HCN4: variants seen among roughly 807,000 people sequenced by gnomAD.
The protein encoded by HCN4 is potassium/sodium hyperpolarization-activated cyclic nucleotide-gated channel 4.
Under a neutral mutation model 76.9 loss-of-function variants are expected in HCN4, and 29 were observed. That is an observed-to-expected ratio of 0.38 (90% confidence interval 0.28 to 0.51). The LOEUF is 0.51. Among genes scored for constraint, HCN4 ranks in the 20% least tolerant of loss-of-function variants. The pLI is 0.90. For missense variants in HCN4, 1,416 were observed against 1,715.2 expected (o/e 0.83, Z 3.08); for synonymous variants, 772 against 762.5 (o/e 1.01, Z -0.21).
rs531934475 is a variant in HCN4 at position 73,348,389 on chromosome 15, C to T, written c.786-4581G>A. On this transcript the variant is annotated intron_variant, in intron 1 of 7. Transcript: ENST00000261917. ...ATGCACATGTGCACATGCACAGACA[C>T]GAACATGCGTGCACACACGCACACA... is the stretch of plus-strand genomic sequence containing the variant. 3.3e-5 allele frequency among the ~76,000 whole-genome samples: 5 copies of T among 152,374 alleles called. No homozygotes were observed. The East Asian group carries it at 7.7e-4, about 24-fold the overall frequency.
chr15:73,348,649 C>T (rs2043039678), intron 1 of HCN4, among the ~76,000 whole-genome samples: 1 of 152,230 alleles, frequency 6.6e-6, no homozygotes, highest in African/African-American at 2.4e-5. Context: ...AGCCTCTGCA[C>T]AGCCTGAGTC....
At chr15:73,354,887 A>G (rs570049446) in intron 1 of HCN4, among the ~76,000 whole-genome samples, 6 of 152,280 alleles carry the variant, frequency 3.9e-5, no homozygotes, top group African/African-American at 1.2e-4. Flanking sequence ...AGAAGCCCTC[A>G]ATATAGAGGA....
intron 1 of HCN4, among the ~76,000 whole-genome samples, chr15:73,344,009 G>A (rs1250989167): frequency 6.6e-6 from 1 of 152,184 alleles, no homozygotes; most frequent in Non-Finnish European, 1.5e-5. Context: ...CATTCACTAA[G>A]GATACCCTCC....
At chr15:73,352,626 C>T (rs1387830651) in intron 1 of HCN4, among the ~76,000 whole-genome samples, 1 of 152,182 alleles carries the variant, frequency 6.6e-6, no homozygotes, top group African/African-American at 2.4e-5. Context: ...GTGTTTCCAG[C>T]CTGAGCTGTG....
At position 73,334,379 on chromosome 15, in the gene HCN4, C is replaced by T. The variant is rs185280427; in HGVS notation, c.1210-2087G>A. On this transcript the variant is annotated intron_variant, in intron 2 of 7. Transcript: ENST00000261917. ...TCTGTGGCTGGTCATGTTCAGGCAC[C>T]TGTATCCTAAGACCGTGAGGCTCTC... 3.1e-3 allele frequency among the ~76,000 whole-genome samples: 475 copies of T among 152,200 alleles called. 1 individual carries two copies. The highest frequency in any genetic ancestry group is 0.013 in the South Asian group (65 of 4,818).
rs779906361 is a variant in HCN4 at position 73,367,732 on chromosome 15, T to G, written c.539A>C (p.Glu180Ala). Residue 180 changes from glutamate (E) to alanine (A), a missense_variant, in exon 1 of 8, where the codon GAG becomes GCG. By Grantham distance (107) the Glu-to-Ala change is moderately radical. Coordinates refer to ENST00000261917, the MANE Select transcript of HCN4 (RefSeq NM_005477.3). This position sits in a 1 kb window ranked among gnomAD's most constrained non-coding sequence, Gnocchi z 7.5. Reference sequence around the variant, plus strand: ...GATAGCGGTGTCCACCGAGGGCTGCTCGCAGGAGGCGGAGGCCGGCTGCGG... The same window carrying G: ...GATAGCGGTGTCCACCGAGGGCTGCGCGCAGGAGGCGGAGGCCGGCTGCGG... The part of the protein sequence containing the change: ...QPPQPASASC[E>A]QPSVDTAIKV... 2.5e-6 allele frequency: 4 copies of G among 1,589,882 alleles called. No individual in the cohort carries two copies. Among genetic ancestry groups the G allele is most frequent in the Admixed American group, 1.7e-5 (1 of 59,176 alleles).
chr15:73,343,708 T>C lies in HCN4; in HGVS notation c.886A>G (p.Ile296Val). 1 of 1,614,080 alleles carries C rather than the reference T, an allele frequency of 6.2e-7. No individual in the cohort carries two copies. The highest frequency in any genetic ancestry group is 1.6e-4 in the Middle Eastern group (1 of 6,062). The change falls in exon 2 of 8, where the codon ATT becomes GTT. Residue 296 changes from isoleucine to valine, a missense_variant. This residue lies in a region of HCN4 where 52 missense variants were observed against 129.1 expected (regional missense o/e 0.40). Transcript: ENST00000261917. This position sits in a 1 kb window ranked among gnomAD's most constrained non-coding sequence, Gnocchi z 5.7. ...FFKDENTTPW[I>V]VFNVVSDTFF... ...GTGTCTGACACCACATTGAAGACAA[T>C]CCAGGGTGTGGTGTTCTCATCCTTG...
Position 73,323,289 on chromosome 15 carries a change from G to A in HCN4, c.2804C>T (p.Ser935Phe), listed in dbSNP as rs775803239. Residue 935 changes from serine to phenylalanine, a missense_variant, in exon 8 of 8, where the codon TCC becomes TTC. Ser to Phe is a radical substitution (Grantham distance 155). Around this residue, in one of 6 missense-constraint regions of HCN4, gnomAD observed 633 missense variants for 579.8 expected, o/e 1.09. Transcript: ENST00000261917. ...GGGAGATGGCTGGGCAGCCTGCGGGGAGCGGGCGCCTGGCTGCAGCGGGGT... is the reference window on the plus strand; with the variant it reads ...GGGAGATGGCTGGGCAGCCTGCGGGAAGCGGGCGCCTGGCTGCAGCGGGGT... ...LLTPLQPGAR[S>F]PQAAQPSPAP... 114 of 1,538,984 alleles carry A rather than the reference G, an allele frequency of 7.4e-5. 1 individual carries two copies. In the Admixed American group the frequency reaches 1.8e-3, roughly 24 times the overall value.
At position 73,358,206 on chromosome 15, in the gene HCN4, G is replaced by A. The variant is rs140005315; in HGVS notation, c.785+9280C>T. On this transcript the variant is annotated intron_variant, in intron 1 of 7. Transcript: ENST00000261917. ...TCTGGGGCGGGCCGGCCCCCACACT[G>A]CAGGAAGCCAGGCCCCAGGGGCAGT... Among the ~76,000 whole-genome samples the A allele has an allele frequency of 1.6e-3, 239 of 152,280 alleles. 1 individual carries two copies. The highest frequency in any genetic ancestry group is 0.014 in the Admixed American group (217 of 15,300).
At position 73,343,269 on chromosome 15, in the gene HCN4, G is replaced by A; in HGVS notation, c.1209+116C>T. On this transcript the variant is annotated intron_variant, in intron 2 of 7. Transcript: ENST00000261917. This position sits in a 1 kb window ranked among gnomAD's most constrained non-coding sequence, Gnocchi z 5.7. ...TACTAGTATTTGTCCTCTTGGAGCAGGTGTGCCTGCCACAATCTGACAGCC... is the reference window on the plus strand; with the variant it reads ...TACTAGTATTTGTCCTCTTGGAGCAAGTGTGCCTGCCACAATCTGACAGCC... 5.1e-6 allele frequency: 5 copies of A among 978,324 alleles called. No individual in the cohort carries two copies. The East Asian group carries it at 1.3e-4, about 26-fold the overall frequency. The allele number at this position is 978,324 out of a possible 1,614,324, so 60.6% of individuals were successfully genotyped here. A position where few individuals can be genotyped will look rare whatever the true frequency, so the allele number is the denominator to read the frequency against.
chr15:73,320,567 CATCTGGGAGG>C lies in HCN4; in HGVS notation c.*1904_*1913del. The C allele has an allele frequency of 6.6e-6, 1 of 152,362 alleles. No individual in the cohort carries two copies. Among genetic ancestry groups the C allele is most frequent in the African/African-American group, 2.4e-5 (1 of 41,548 alleles). The allele number at this position is 152,362 out of a possible 1,614,324, so 9.4% of individuals were successfully genotyped here. ...CCTGACCTTGGCTCTGGCAAGATCC[CATCTGGGAGG>C]AGGGAGGATGGTGCCTCCAAAGGCA... On this transcript the variant is annotated 3_prime_UTR_variant, in exon 8 of 8. Transcript: ENST00000261917.
intron 1 of HCN4, among the ~76,000 whole-genome samples, chr15:73,362,839 CAGGAACTTG>C (rs1462707371): frequency 4.6e-5 from 7 of 152,320 alleles, no homozygotes; most frequent in African/African-American, 1.2e-4. Flanking sequence ...GCCACCAGAC[CAGGAACTTG>C]AGCCTTGCAG....
intron 1 of HCN4, among the ~76,000 whole-genome samples, chr15:73,357,912 T>G (rs1312376944): frequency 6.6e-6 from 1 of 151,796 alleles, no homozygotes; most frequent in African/African-American, 2.4e-5. Flanking sequence ...GGGAGGGAGA[T>G]TCTCAAAAGC....
intron 1 of HCN4, among the ~76,000 whole-genome samples, chr15:73,362,211 C>T (rs893006579): frequency 1.3e-5 from 2 of 152,236 alleles, no homozygotes; most frequent in Admixed American, 1.3e-4. Context: ...ACCTCTGTGA[C>T]TTGGCTCAGC....
chr15:73,346,950 G>A (rs1178306185), intron 1 of HCN4, among the ~76,000 whole-genome samples: 1 of 152,164 alleles, frequency 6.6e-6, no homozygotes, highest in Non-Finnish European at 1.5e-5. Flanking sequence ...CCCGTTCAGT[G>A]GGTTTAGCCA....
In HCN4 at chr15:73,367,462, A is replaced by G. The variant is rs958111599; in HGVS notation, c.785+24T>C. ...GCCTGCCACCGCGCAGGGCACCCAC[A>G]GGATCATCGCTGTGGCCCCTTACCT... On this transcript the variant is annotated intron_variant, in intron 1 of 7. Transcript: ENST00000261917. The surrounding 1 kb of genome is among the most constrained non-coding windows in gnomAD (Gnocchi z 7.5). 8.1e-6 allele frequency: 13 copies of G among 1,612,272 alleles called. No individual in the cohort carries two copies. The Admixed American group carries it at 2.2e-4, about 27-fold the overall frequency.
At chr15:73,359,084 AC>A (rs1356869241) in intron 1 of HCN4, among the ~76,000 whole-genome samples, 6 of 152,300 alleles carry the variant, frequency 3.9e-5, no homozygotes, top group African/African-American at 9.6e-5. Flanking sequence ...TAACACATCC[AC>A]CCACACAGAT....
intron 1 of HCN4, among the ~76,000 whole-genome samples, chr15:73,357,510 G>A (rs2043086524): frequency 6.6e-6 from 1 of 152,162 alleles, no homozygotes; most frequent in African/African-American, 2.4e-5. Context: ...TCTGAGGCCA[G>A]GTCTGAGCTT....
chr15:73,322,916 G>A lies in HCN4; in HGVS notation c.3177C>T (p.Ser1059=), dbSNP rs1347374268. The A allele has an allele frequency of 1.4e-6, 2 of 1,398,694 alleles. No individual in the cohort carries two copies. Among genetic ancestry groups the A allele is most frequent in the Non-Finnish European group, 1.9e-6 (2 of 1,057,974 alleles). The allele number at this position is 1,398,694 out of a possible 1,614,324, so 86.6% of individuals were successfully genotyped here. The part of the protein sequence containing the change: ...HGSLLLPPAS[S]PPPPQVPQRR... ...GCTGGGGGACCTGGGGTGGTGGGGG[G>A]CTGGATGCAGGTGGCAGGAGCAAGG... Residue 1059 remains serine, a synonymous_variant, in exon 8 of 8, where the codon AGC becomes AGT. Transcript: ENST00000261917.
Sources: allele counts gnomAD v4.1 joint callset (sites outside exome capture counted in the v4.1 genomes callset), GRCh38; gene constraint gnomAD v4.1.1; regional missense constraint gnomAD v4.1.1; non-coding constraint Gnocchi (gnomAD v3.1); transcripts MANE v1.5; gene names NCBI Gene and HGNC (gene_info 2026-07-23, HGNC 2026-07-21).